MAP2K1: variants seen among roughly 807,000 people sequenced by gnomAD.
MAP2K1 encodes the protein dual specificity mitogen-activated protein kinase kinase 1.
MAP2K1 carries 16 observed loss-of-function variants against 46.3 expected under a neutral mutation model. The observed-to-expected ratio is 0.35, with a 90% CI of 0.23 to 0.52. The LOEUF (loss-of-function observed/expected upper bound fraction) is 0.52, where lower values mean the gene tolerates loss of function less well. MAP2K1 is among the 20% of genes least tolerant of loss of function. MAP2K1 has a pLI of 0.94. For synonymous variants in MAP2K1, 183 were observed against 185.6 expected (o/e 0.99, Z 0.11); for missense variants, 263 against 497.1 (o/e 0.53, Z 4.48).
At chr15:66,467,910 A>G (rs1728626411) in intron 5 of MAP2K1, among the ~76,000 whole-genome samples, 1 of 152,232 alleles carries the variant, frequency 6.6e-6, no homozygotes, top group Admixed American at 6.5e-5. Flanking sequence ...TAGTTTTGTA[A>G]TCCCTATGCC....
chr15:66,468,166 G>A (rs1185440190), intron 5 of MAP2K1, among the ~76,000 whole-genome samples: 1 of 152,138 alleles, frequency 6.6e-6, no homozygotes, highest in East Asian at 1.9e-4. Context: ...AATTAGAGCT[G>A]TTTTATATTT....
chr15:66,454,071 G>T (rs541335401), intron 5 of MAP2K1, among the ~76,000 whole-genome samples: 1 of 152,150 alleles, frequency 6.6e-6, no homozygotes, highest in Non-Finnish European at 1.5e-5. Context: ...TGGGTTGGCA[G>T]GTCCTCTTTC....
At chr15:66,414,486 G>A (rs1381716965) in intron 1 of MAP2K1, among the ~76,000 whole-genome samples, 1 of 152,168 alleles carries the variant, frequency 6.6e-6, no homozygotes. Context: ...CAGATGTAAA[G>A]CTTCTGGTGT....
intron 3 of MAP2K1, among the ~76,000 whole-genome samples, chr15:66,439,775 A>T (rs1040877738): frequency 6.6e-6 from 1 of 151,928 alleles, no homozygotes; most frequent in Non-Finnish European, 1.5e-5. Context: ...TCAAAAAAAA[A>T]AATTACAAAA....
chr15:66,456,108 A>G (rs1012649250), intron 5 of MAP2K1, among the ~76,000 whole-genome samples: 2 of 152,182 alleles, frequency 1.3e-5, no homozygotes, highest in African/African-American at 4.8e-5. Context: ...AAGAGAAGTA[A>G]TTCATTTTGT....
intron 5 of MAP2K1, 119 bp downstream of exon 5, chr15:66,444,826 CT>C: frequency 1.1e-6 from 1 of 874,008 alleles, no homozygotes; most frequent in South Asian, 1.4e-5. Flanking sequence ...CATGTTAAAT[CT>C]TTTATTAAAA....
intron 8 of MAP2K1, among the ~76,000 whole-genome samples, chr15:66,487,537 G>A (rs1212017253): frequency 6.6e-6 from 1 of 152,146 alleles, no homozygotes; most frequent in Non-Finnish European, 1.5e-5. Flanking sequence ...TACTCGGGAG[G>A]CTGAGGCATG....
At chr15:66,408,528 A>G (rs1449475589) in intron 1 of MAP2K1, among the ~76,000 whole-genome samples, 3 of 150,916 alleles carry the variant, frequency 2.0e-5, no homozygotes, top group Admixed American at 6.6e-5. Flanking sequence ...TTCCTGATGT[A>G]TGTGTGCGTG....
Position 66,420,751 on chromosome 15 carries a change from G to A in MAP2K1, c.81-14276G>A, listed in dbSNP as rs1567002959. Among the ~76,000 whole-genome samples, 273 of 47,090 alleles carry A rather than the reference G, an allele frequency of 5.8e-3. 16 individuals carry two copies. Among genetic ancestry groups the A allele is most frequent in the African/African-American group, 0.015 (253 of 16,356 alleles). The allele number at this position is 47,090 out of a possible 152,430, so 30.9% of individuals were successfully genotyped here. A position where few individuals can be genotyped will look rare whatever the true frequency, so the allele number is the denominator to read the frequency against. On this transcript the variant is annotated intron_variant, in intron 1 of 10. Coordinates refer to ENST00000307102, the MANE Select transcript of MAP2K1 (RefSeq NM_002755.4). The stretch of plus-strand genomic sequence containing the variant: ...TGTGTGTGTGTGTGTGTGTGTGTGT[G>A]TGTGTGTGTATGTGTGTATATATAT...
intron 5 of MAP2K1, among the ~76,000 whole-genome samples, chr15:66,452,226 A>C (rs542844841): frequency 1.2e-4 from 17 of 138,622 alleles, no homozygotes; most frequent in African/African-American, 4.5e-4. Flanking sequence ...AGCATGGCAC[A>C]TGTATACATA....
At chr15:66,415,809 C>T (rs2093423259) in intron 1 of MAP2K1, among the ~76,000 whole-genome samples, 1 of 152,074 alleles carries the variant, frequency 6.6e-6, no homozygotes, top group South Asian at 2.1e-4. Flanking sequence ...AAATGTATTT[C>T]AAAGAAATCT....
intron 5 of MAP2K1, among the ~76,000 whole-genome samples, chr15:66,477,577 A>C (rs2140659723): frequency 6.6e-6 from 1 of 152,372 alleles, no homozygotes; most frequent in East Asian, 1.9e-4. Context: ...CAGAAAAGTC[A>C]AGTGACTTGC....
chr15:66,488,413 C>T (rs62011875), intron 8 of MAP2K1, among the ~76,000 whole-genome samples: 42,288 of 151,984 alleles, frequency 0.28, 6,510 homozygotes, highest in South Asian at 0.37. Context: ...AAATTAAAAA[C>T]GAGATTTTGG....
At chr15:66,389,274 G>C (rs1290256842) in intron 1 of MAP2K1, among the ~76,000 whole-genome samples, 1 of 152,180 alleles carries the variant, frequency 6.6e-6, no homozygotes, top group Non-Finnish European at 1.5e-5. Context: ...ACTGTTGTTA[G>C]GACAAGTTTT....
At chr15:66,414,193 A>G (rs1239552030) in intron 1 of MAP2K1, among the ~76,000 whole-genome samples, 5 of 150,986 alleles carry the variant, frequency 3.3e-5, no homozygotes, top group African/African-American at 1.2e-4. Context: ...CATGCTAACT[A>G]CCCAGAGTCA....
intron 1 of MAP2K1, among the ~76,000 whole-genome samples, chr15:66,423,694 G>A (rs1227165298): frequency 7.0e-6 from 1 of 142,330 alleles, no homozygotes; most frequent in African/African-American, 2.7e-5. Flanking sequence ...GGCAACCTCT[G>A]CCTCCCAGGT....
intron 5 of MAP2K1, among the ~76,000 whole-genome samples, chr15:66,461,585 CCAAA>C (rs1232542598): frequency 6.6e-6 from 1 of 151,940 alleles, no homozygotes; most frequent in Non-Finnish European, 1.5e-5. Flanking sequence ...CTTGATAAGA[CCAAA>C]CTAATTAGAA....
intron 1 of MAP2K1, among the ~76,000 whole-genome samples, chr15:66,391,629 A>T (rs1042392907): frequency 6.6e-6 from 1 of 152,328 alleles, no homozygotes. Flanking sequence ...GTTCTGGCAC[A>T]TAATAGGTCC....
In MAP2K1 at chr15:66,489,256, T is replaced by C. The variant is rs1893157103; in HGVS notation, c.1002T>C (p.Phe334=). 6.2e-7 allele frequency: 1 copy of C among 1,614,152 alleles called. No individual in the cohort carries two copies. Among genetic ancestry groups the C allele is most frequent in the Admixed American group, 1.7e-5 (1 of 60,020 alleles). ...CCAGTGGAGTGTTCAGTCTGGAATT[T>C]CAAGATTTTGTGAATAAATGGTAAG... is the stretch of plus-strand genomic sequence containing the variant. ...KLPSGVFSLE[F]QDFVNKCLIK... is the part of the protein sequence containing the mutation. The change falls in exon 9 of 11, where the codon TTT becomes TTC. Residue 334 remains phenylalanine (F), a synonymous_variant. Coordinates refer to ENST00000307102, the MANE Select transcript of MAP2K1 (RefSeq NM_002755.4).
Sources: allele counts gnomAD v4.1 joint callset (sites outside exome capture counted in the v4.1 genomes callset), GRCh38; gene constraint gnomAD v4.1.1; transcripts MANE v1.5; gene names NCBI Gene and HGNC (gene_info 2026-07-23, HGNC 2026-07-21).